The following TATDN2 variants were observed in gnomAD, a reference collection of about 807,000 sequenced individuals.
TATDN2 encodes the protein 3'-5' RNA nuclease TATDN2.
A neutral mutation model predicts 60.3 loss-of-function variants in TATDN2; 44 were observed. That is an observed-to-expected ratio of 0.73 (90% CI 0.57 to 0.94). TATDN2 has a LOEUF of 0.94. TATDN2 is among the 40% of genes least tolerant of loss of function. The pLI, the probability that TATDN2 is intolerant of heterozygous loss-of-function variation, is 0.00. For synonymous variants in TATDN2, 399 were observed against 355.8 expected (o/e 1.12, Z -1.37); for missense variants, 997 against 948.0 (o/e 1.05, Z -0.68).
rs1197832625 is a variant in TATDN2 at position 10,270,641 on chromosome 3, C to T, written c.1459C>T (p.Leu487=). 2 of 1,614,114 alleles carry T rather than the reference C, an allele frequency of 1.2e-6. No homozygotes were observed. The highest frequency in any genetic ancestry group is 2.2e-5 in the South Asian group (2 of 91,090). ...ATCCAGCTCCCTGCCAAAGAGCCAC[C>T]TGGAGCCAAGCCTAGAGGAGGGCTT... ...HASSSLPKSH[L]EPSLEEGFID... is the part of the protein sequence containing the mutation. The change falls in exon 4 of 8, where the codon CTG becomes TTG. Residue 487 remains leucine (L), a synonymous_variant. Transcript: ENST00000448281.
intron 2 of TATDN2, among the ~76,000 whole-genome samples, chr3:10,258,050 C>CG (rs1698342463): frequency 6.7e-6 from 1 of 148,836 alleles, no homozygotes; most frequent in Non-Finnish European, 1.5e-5. Flanking sequence ...TTAGTAGAGA[C>CG]GGGGTTTCAC....
intron 3 of TATDN2, among the ~76,000 whole-genome samples, chr3:10,262,413 GA>G (rs1202786927): frequency 1.3e-5 from 2 of 151,814 alleles, no homozygotes; most frequent in African/African-American, 4.8e-5. Context: ...ACATGTGTCT[GA>G]GATTGCCTTT....
chr3:10,275,843 G>C (rs1698629025), intron 4 of TATDN2, among the ~76,000 whole-genome samples: 1 of 152,192 alleles, frequency 6.6e-6, no homozygotes, highest in Admixed American at 6.5e-5. Context: ...TACCTTCTGA[G>C]AGCCAGGCAC....
Position 10,270,237 on chromosome 3 carries a change from T to A in TATDN2, c.1055T>A (p.Leu352Gln), listed in dbSNP as rs771541634. The A allele has an allele frequency of 6.2e-7, 1 of 1,614,214 alleles. No homozygotes were observed. The highest frequency in any genetic ancestry group is 8.5e-7 in the Non-Finnish European group (1 of 1,180,036). ...VRFSQEEPVS[L>Q]KPSAVPEPSS... ...TTCTCTCAGGAGGAACCTGTCTCCC[T>A]GAAACCTTCAGCCGTTCCGGAGCCT... Residue 352 changes from leucine to glutamine, a missense_variant, in exon 4 of 8, where the codon CTG (leucine) becomes CAG (glutamine). Physicochemically the swap from Leu to Gln is moderately radical, Grantham distance 113. Coordinates refer to ENST00000448281, the MANE Select transcript of TATDN2 (RefSeq NM_014760.4).
intron 4 of TATDN2, among the ~76,000 whole-genome samples, chr3:10,271,810 C>T (rs2125179756): frequency 9.4e-6 from 1 of 106,242 alleles, no homozygotes; most frequent in South Asian, 3.1e-4. Context: ...TCCGCCTCCG[C>T]CTCCGCCTCC....
intron 2 of TATDN2, among the ~76,000 whole-genome samples, chr3:10,259,913 GT>G (rs1400456043): frequency 6.6e-6 from 1 of 152,180 alleles, no homozygotes; most frequent in African/African-American, 2.4e-5. Context: ...TCCCCTTGCA[GT>G]GAAAGGATAT....
intron 2 of TATDN2, among the ~76,000 whole-genome samples, chr3:10,257,813 A>G (rs1034806896): frequency 7.2e-6 from 1 of 139,498 alleles, no homozygotes; most frequent in African/African-American, 2.6e-5. Flanking sequence ...TGTCTATATT[A>G]ACAAGTATAG....
At position 10,248,595 on chromosome 3, in the gene TATDN2, ACAGCTGCGGCAGCCGGCGGGG is replaced by A. The variant is rs1316030350; in HGVS notation, c.-478_-458del. On this transcript the variant is annotated 5_prime_UTR_variant, in exon 1 of 8. Transcript: ENST00000448281. ...GGCAGGCGGCGGGCTGCCCGGCGGG[ACAGCTGCGGCAGCCGGCGGGG>A]GGCGTCCTGAGTTGGCGGTCGAGGG... The A allele has an allele frequency of 6.6e-6, 1 of 151,576 alleles. No homozygotes were observed. Among genetic ancestry groups the A allele is most frequent in the Non-Finnish European group, 1.5e-5 (1 of 67,948 alleles). The allele number at this position is 151,576 out of a possible 1,614,324, so 9.4% of individuals were successfully genotyped here.
intron 2 of TATDN2, among the ~76,000 whole-genome samples, chr3:10,257,710 C>T (rs1418383401): frequency 6.6e-6 from 1 of 151,254 alleles, no homozygotes; most frequent in African/African-American, 2.4e-5. Context: ...ACTAAGTCCA[C>T]AGAGGTTCAA....
intron 2 of TATDN2, among the ~76,000 whole-genome samples, chr3:10,250,999 C>T (rs767010418): frequency 5.9e-5 from 9 of 152,144 alleles, no homozygotes; most frequent in African/African-American, 2.2e-4. Flanking sequence ...CCTGGCTGTC[C>T]TAAAGACCTG....
At chr3:10,274,251 G>A (rs555193494) in intron 4 of TATDN2, among the ~76,000 whole-genome samples, 9 of 152,274 alleles carry the variant, frequency 5.9e-5, no homozygotes, top group African/African-American at 2.2e-4. Flanking sequence ...AAATCTGGAT[G>A]TGTTTCATGA....
intron 2 of TATDN2, among the ~76,000 whole-genome samples, chr3:10,252,800 C>T (rs1329675501): frequency 1.3e-5 from 2 of 151,556 alleles, no homozygotes; most frequent in African/African-American, 2.4e-5. Context: ...AGCGATCCTC[C>T]TGCCTCAGCC....
rs1422738256 is a variant in TATDN2 at position 10,257,820 on chromosome 3, A to G, written c.415-2317A>G. On this transcript the variant is annotated intron_variant, in intron 2 of 7. Coordinates refer to ENST00000448281, the MANE Select transcript of TATDN2 (RefSeq NM_014760.4). ...AAAATAGATGTCTATATTAACAAGT[A>G]TAGATTTCTAAAGGTTTATGATTTT... is the stretch of plus-strand genomic sequence containing the variant. Among the ~76,000 whole-genome samples, 3 of 118,586 alleles carry G rather than the reference A, an allele frequency of 2.5e-5. No homozygotes were observed. The Admixed American group carries it at 2.7e-4, about 11-fold the overall frequency. The allele number at this position is 118,586 out of a possible 152,430, so 77.8% of individuals were successfully genotyped here.
intron 3 of TATDN2, among the ~76,000 whole-genome samples, chr3:10,269,044 C>T (rs1340866811): frequency 6.6e-6 from 1 of 152,186 alleles, no homozygotes. Context: ...CGAGGGCTGT[C>T]GTCATCTGAG....
chr3:10,263,768 A>C (rs1432917729), intron 3 of TATDN2, among the ~76,000 whole-genome samples: 1 of 152,110 alleles, frequency 6.6e-6, no homozygotes, highest in East Asian at 1.9e-4. Flanking sequence ...CATGTCTGGT[A>C]ATCTTTGGTT....
intron 3 of TATDN2, among the ~76,000 whole-genome samples, chr3:10,266,850 CTT>C (rs937622842): frequency 1.3e-5 from 2 of 151,712 alleles, no homozygotes; most frequent in African/African-American, 2.4e-5. Context: ...CGTGATTACT[CTT>C]TGCTCAGTGC....
At chr3:10,265,185 T>C (rs1698460441) in intron 3 of TATDN2, among the ~76,000 whole-genome samples, 1 of 150,566 alleles carries the variant, frequency 6.6e-6, no homozygotes, top group Non-Finnish European at 1.5e-5. Flanking sequence ...CAAGCAATTC[T>C]CCTGTTTCAG....
At chr3:10,249,780 TCC>T (rs1337587963) in intron 2 of TATDN2, among the ~76,000 whole-genome samples, 166 bp downstream of exon 2, 6 of 152,184 alleles carry the variant, frequency 3.9e-5, no homozygotes, top group Non-Finnish European at 8.8e-5. Flanking sequence ...CTAGCAGTCT[TCC>T]AGGCGCGTGG....
intron 2 of TATDN2, among the ~76,000 whole-genome samples, chr3:10,254,107 A>G (rs979989783): frequency 6.6e-6 from 1 of 152,216 alleles, no homozygotes; most frequent in Non-Finnish European, 1.5e-5. Flanking sequence ...CCTTTCCTGC[A>G]TCTCCACTTG....
Sources: allele counts gnomAD v4.1 joint callset (sites outside exome capture counted in the v4.1 genomes callset), GRCh38; gene constraint gnomAD v4.1.1; transcripts MANE v1.5; gene names NCBI Gene and HGNC (gene_info 2026-07-23, HGNC 2026-07-21).